RORA: variants seen among roughly 807,000 people sequenced by gnomAD.
The protein encoded by RORA is RAR related orphan receptor A, also known as nuclear receptor ROR-alpha.
Under a neutral mutation model 69.5 loss-of-function variants are expected in RORA, and 7 were observed. The ratio of observed to expected loss-of-function variants is 0.10; its 90% CI spans 0.06 to 0.19. The LOEUF (loss-of-function observed/expected upper bound fraction) is 0.19. Among genes scored for constraint, RORA ranks in the 10% least tolerant of loss-of-function variants. The pLI is 1.00. For synonymous variants in RORA, 261 were observed against 240.8 expected, an observed-to-expected ratio of 1.08 and a Z score of -0.78; for missense variants, 457 against 663.0, an observed-to-expected ratio of 0.69 and a Z score of 3.41.
intron 1 of RORA, among the ~76,000 whole-genome samples, chr15:61,015,474 CA>C (rs398118918): frequency 9.3e-4 from 140 of 151,124 alleles, no homozygotes; most frequent in East Asian, 2.5e-3. Flanking sequence ...TTGAAATACA[CA>C]AAAAAAAATG....
At chr15:61,125,196 C>A (rs993686604) in intron 1 of RORA, among the ~76,000 whole-genome samples, 1 of 152,178 alleles carries the variant, frequency 6.6e-6, no homozygotes, top group South Asian at 2.1e-4. Flanking sequence ...CAAAAGCCAA[C>A]TATCGTATTA....
intron 1 of RORA, among the ~76,000 whole-genome samples, chr15:60,960,875 G>T (rs1266893435): frequency 6.6e-6 from 1 of 151,994 alleles, no homozygotes; most frequent in African/African-American, 2.4e-5. Context: ...TAACCTCAAA[G>T]CAACCCAAGA....
At position 61,180,143 on chromosome 15, in the gene RORA, CAAAAAAAAAAA is replaced by C. The variant is rs71456351; in HGVS notation, c.166+48899_166+48909del. Among the ~76,000 whole-genome samples, 8 of 36,688 alleles carry C rather than the reference CAAAAAAAAAAA, an allele frequency of 2.2e-4. No homozygotes were observed. The East Asian group carries it at 5.2e-3, about 24-fold the overall frequency. The allele number at this position is 36,688 out of a possible 152,430, so 24.1% of individuals were successfully genotyped here. On this transcript the variant is annotated intron_variant, in intron 1 of 10. Coordinates refer to ENST00000335670, the MANE Select transcript of RORA (RefSeq NM_134261.3). Reference sequence around the variant, plus strand: ...TGGGCAACAGAGCAAGACTCCATCTCAAAAAAAAAAAAAAAAAAAAAAAAGACAAAACTGTA... The same window carrying C: ...TGGGCAACAGAGCAAGACTCCATCTCAAAAAAAAAAAAAGACAAAACTGTA...
intron 1 of RORA, among the ~76,000 whole-genome samples, chr15:60,956,147 G>T (rs966450980): frequency 3.9e-5 from 6 of 152,112 alleles, no homozygotes; most frequent in African/African-American, 1.2e-4. Context: ...GTGATGAATA[G>T]AATTATTTCT....
chr15:60,691,714 A>T (rs2070829161), intron 1 of RORA, among the ~76,000 whole-genome samples: 1 of 152,240 alleles, frequency 6.6e-6, no homozygotes, highest in South Asian at 2.1e-4. Context: ...GGCAATCAAT[A>T]GAAAAGTTAA....
intron 1 of RORA, among the ~76,000 whole-genome samples, chr15:61,070,499 G>A (rs2078325622): frequency 6.6e-6 from 1 of 152,202 alleles, no homozygotes; most frequent in Non-Finnish European, 1.5e-5. Context: ...CCACTGTGAG[G>A]ATGCAGAAGT....
intron 1 of RORA, among the ~76,000 whole-genome samples, chr15:61,224,005 C>CAAAA (rs11434024): frequency 1.5e-4 from 22 of 142,684 alleles, no homozygotes; most frequent in African/African-American, 5.2e-4. Flanking sequence ...AATTAGATAT[C>CAAAA]AAAAAAAAAA....
At chr15:61,087,990 T>G (rs2078650268) in intron 1 of RORA, among the ~76,000 whole-genome samples, 1 of 152,252 alleles carries the variant, frequency 6.6e-6, no homozygotes, top group Non-Finnish European at 1.5e-5. Context: ...AAAGTTCCAG[T>G]CATCTGTGTT....
intron 1 of RORA, among the ~76,000 whole-genome samples, chr15:61,065,889 T>C (rs534179095): frequency 4.7e-4 from 72 of 152,324 alleles, no homozygotes; most frequent in African/African-American, 1.7e-3. Context: ...AACTTCTCCA[T>C]TCTACCCCAA....
chr15:61,167,955 AT>A (rs2079552047), intron 1 of RORA, among the ~76,000 whole-genome samples: 1 of 152,180 alleles, frequency 6.6e-6, no homozygotes, highest in Admixed American at 6.5e-5. Flanking sequence ...TCTTGGGGAT[AT>A]CCCCTGATGT....
chr15:61,016,382 G>A (rs1310811936), intron 1 of RORA, among the ~76,000 whole-genome samples: 1 of 152,188 alleles, frequency 6.6e-6, no homozygotes, highest in African/African-American at 2.4e-5. Flanking sequence ...CAAAATCACT[G>A]CAGAAAATGG....
At chr15:61,194,970 A>AC (rs1380367928) in intron 1 of RORA, among the ~76,000 whole-genome samples, 3 of 143,042 alleles carry the variant, frequency 2.1e-5, no homozygotes, top group Admixed American at 7.2e-5. Context: ...CACCAGAACA[A>AC]AAAAAAAAGC....
intron 1 of RORA, among the ~76,000 whole-genome samples, chr15:61,193,559 T>G (rs1271036291): frequency 6.6e-6 from 1 of 152,208 alleles, no homozygotes; most frequent in Non-Finnish European, 1.5e-5. Context: ...CCTTAAACTT[T>G]CTAGTTATAT....
At chr15:60,709,457 A>T (rs1490054984) in intron 1 of RORA, among the ~76,000 whole-genome samples, 2 of 152,024 alleles carry the variant, frequency 1.3e-5, no homozygotes. Flanking sequence ...GGGGTCCTTA[A>T]CCCCTGGTAC....
chr15:60,657,335 T>A (rs182864327), intron 2 of RORA, among the ~76,000 whole-genome samples: 3 of 152,086 alleles, frequency 2.0e-5, no homozygotes, highest in Non-Finnish European at 4.4e-5. Flanking sequence ...AATACCCCCC[T>A]GCCCCACCCC....
At chr15:60,745,457 T>C (rs1170986298) in intron 1 of RORA, among the ~76,000 whole-genome samples, 1 of 152,226 alleles carries the variant, frequency 6.6e-6, no homozygotes, top group Non-Finnish European at 1.5e-5. Flanking sequence ...CTTGGCCGAT[T>C]CTGTCTCTGG....
chr15:60,850,422 A>G (rs975204992), intron 1 of RORA, among the ~76,000 whole-genome samples: 1 of 152,114 alleles, frequency 6.6e-6, no homozygotes, highest in Non-Finnish European at 1.5e-5. Flanking sequence ...GTCAGATGGT[A>G]CCCGATTCAA....
At chr15:61,150,288 G>T (rs1174370318) in intron 1 of RORA, among the ~76,000 whole-genome samples, 4 of 152,086 alleles carry the variant, frequency 2.6e-5, no homozygotes, top group Non-Finnish European at 4.4e-5. Context: ...AATCCTCTTT[G>T]GGCTTATAAA....
intron 1 of RORA, among the ~76,000 whole-genome samples, chr15:61,156,481 C>G (rs2079444393): frequency 6.6e-6 from 1 of 152,118 alleles, no homozygotes; most frequent in African/African-American, 2.4e-5. Context: ...TCCATCAAGT[C>G]TTCTCAGCAA....
Sources: allele counts gnomAD v4.1 joint callset (sites outside exome capture counted in the v4.1 genomes callset), GRCh38; gene constraint gnomAD v4.1.1; transcripts MANE v1.5; gene names NCBI Gene and HGNC (gene_info 2026-07-23, HGNC 2026-07-21).